Variants in SNX18 observed in about 807,000 individuals in gnomAD.
SNX18 encodes sorting nexin-18.
In SNX18, 35 loss-of-function variants were observed where a neutral mutation model predicts 48.7. The ratio of observed to expected loss-of-function variants is 0.72; its 90% CI spans 0.55 to 0.95. The LOEUF (loss-of-function observed/expected upper bound fraction) is 0.95. SNX18 is among the 40% of genes least tolerant of loss of function. SNX18 has a pLI of 0.00. For missense variants in SNX18, 824 were observed against 871.0 expected (o/e 0.95, Z 0.68); for synonymous variants, 492 against 384.7 (o/e 1.28, Z -3.26).
chr5:54,618,298 C>CACAG, the SNX18 span, among the ~76,000 whole-genome samples: 2 of 152,222 alleles, frequency 1.3e-5, no homozygotes, highest in African/African-American at 4.8e-5. Flanking sequence ...AATTAAACCT[C>CACAG]TGTCTTTTAC....
the SNX18 span, among the ~76,000 whole-genome samples, chr5:54,622,108 T>G: frequency 1.3e-5 from 2 of 152,212 alleles, no homozygotes; most frequent in African/African-American, 2.4e-5. Flanking sequence ...TTATACAAAA[T>G]GATGCTATTT....
the SNX18 span, among the ~76,000 whole-genome samples, chr5:54,632,730 C>T: frequency 1.3e-5 from 2 of 152,224 alleles, no homozygotes; most frequent in Admixed American, 1.3e-4. Context: ...TTATCCAAGC[C>T]ACAGATAAGA....
At chr5:54,608,824 A>G in the SNX18 span, among the ~76,000 whole-genome samples, 1 of 152,106 alleles carries the variant, frequency 6.6e-6, no homozygotes, top group Non-Finnish European at 1.5e-5. Flanking sequence ...GGAAATTCAC[A>G]CTCAGCCCTT....
the SNX18 span, among the ~76,000 whole-genome samples, chr5:54,643,097 G>C: frequency 2.6e-5 from 4 of 152,050 alleles, no homozygotes; most frequent in Admixed American, 1.3e-4. Context: ...ATAAAGGGAG[G>C]GGGGATAACA....
the SNX18 span, among the ~76,000 whole-genome samples, chr5:54,554,440 C>T: frequency 6.6e-6 from 1 of 152,214 alleles, no homozygotes; most frequent in Non-Finnish European, 1.5e-5. Flanking sequence ...GGGCCTAGCT[C>T]CGCAGGCTGT....
chr5:54,610,309 G>A, the SNX18 span, among the ~76,000 whole-genome samples: 7 of 152,276 alleles, frequency 4.6e-5, no homozygotes, highest in African/African-American at 1.4e-4. Flanking sequence ...ATAGCACTCC[G>A]TGGTTTACCA....
chr5:54,581,315 A>G, the SNX18 span, among the ~76,000 whole-genome samples: 1 of 152,184 alleles, frequency 6.6e-6, no homozygotes, highest in Admixed American at 6.5e-5. Flanking sequence ...GAGAGCAAGA[A>G]ACTAGAGGCA....
At chr5:54,593,188 A>G in the SNX18 span, among the ~76,000 whole-genome samples, 1 of 152,224 alleles carries the variant, frequency 6.6e-6, no homozygotes. Context: ...GAAAGTTGCA[A>G]TTTTCTCTGG....
chr5:54,535,759 C>CA (rs1428941514), intron 1 of SNX18, among the ~76,000 whole-genome samples: 1 of 152,156 alleles, frequency 6.6e-6, no homozygotes, highest in Admixed American at 6.5e-5. Flanking sequence ...TATAAAAACT[C>CA]TTCTAAGACC....
intron 1 of SNX18, among the ~76,000 whole-genome samples, chr5:54,522,823 C>T (rs1762056117): frequency 6.6e-6 from 1 of 152,190 alleles, no homozygotes; most frequent in African/African-American, 2.4e-5. Context: ...ATACTGAACC[C>T]ATTCTTTAAA....
intron 1 of SNX18, among the ~76,000 whole-genome samples, chr5:54,527,142 G>A (rs761354905): frequency 5.3e-5 from 8 of 152,124 alleles, no homozygotes; most frequent in Non-Finnish European, 5.9e-5. Context: ...ATGAAAGCCC[G>A]AGTCAGATGG....
chr5:54,598,864 T>A, the SNX18 span, among the ~76,000 whole-genome samples: 50 of 152,218 alleles, frequency 3.3e-4, no homozygotes, highest in African/African-American at 1.2e-3. Context: ...TTCAACTTAG[T>A]ATTGGAAGTT....
chr5:54,518,077 T>A lies in SNX18; in HGVS notation c.125T>A (p.Val42Asp). ...GACATCGAGGGCTGGCTCGAGGGGG[T>A]CAACAGCCGCGGCGACCGCGGCCTC... is the stretch of plus-strand genomic sequence containing the variant. ...EQDIEGWLEG[V>D]NSRGDRGLFP... The change falls in exon 1 of 2, where the codon GTC (valine) becomes GAC (aspartate). Residue 42 changes from valine to aspartate, a missense_variant. Val to Asp is a radical substitution (Grantham distance 152). Transcript: ENST00000381410. The A allele has an allele frequency of 6.5e-7, 1 of 1,536,740 alleles. No homozygotes were observed. Among genetic ancestry groups the A allele is most frequent in the Non-Finnish European group, 8.7e-7 (1 of 1,147,770 alleles).
the SNX18 span, among the ~76,000 whole-genome samples, chr5:54,565,830 T>C: frequency 6.6e-6 from 1 of 152,200 alleles, no homozygotes; most frequent in Non-Finnish European, 1.5e-5. Flanking sequence ...ACAATTCAAC[T>C]TTGTTTGACA....
chr5:54,603,452 T>C, the SNX18 span, among the ~76,000 whole-genome samples: 3 of 152,062 alleles, frequency 2.0e-5, no homozygotes, highest in African/African-American at 7.2e-5. Flanking sequence ...TTAAGAAGGC[T>C]TGAGAGATTT....
At chr5:54,633,039 CT>C in the SNX18 span, among the ~76,000 whole-genome samples, 1 of 152,114 alleles carries the variant, frequency 6.6e-6, no homozygotes, top group African/African-American at 2.4e-5. Flanking sequence ...TCCCAAAGTG[CT>C]GGGATTACAG....
At chr5:54,560,782 G>A in the SNX18 span, among the ~76,000 whole-genome samples, 3 of 152,100 alleles carry the variant, frequency 2.0e-5, no homozygotes, top group Admixed American at 6.6e-5. Context: ...AATCCAGCAC[G>A]GCCAAGGGGA....
chr5:54,627,510 A>C, the SNX18 span, among the ~76,000 whole-genome samples: 1 of 152,118 alleles, frequency 6.6e-6, no homozygotes, highest in Non-Finnish European at 1.5e-5. Flanking sequence ...AATACTCTTT[A>C]CACTGTTCTT....
chr5:54,583,357 T>G, the SNX18 span, among the ~76,000 whole-genome samples: 2 of 152,226 alleles, frequency 1.3e-5, no homozygotes, highest in African/African-American at 4.8e-5. Flanking sequence ...ATGAAAACAT[T>G]GAGCATGGAA....
Sources: allele counts gnomAD v4.1 joint callset (sites outside exome capture counted in the v4.1 genomes callset), GRCh38; gene constraint gnomAD v4.1.1; transcripts MANE v1.5; gene names NCBI Gene and HGNC (gene_info 2026-07-23, HGNC 2026-07-21).